CELSR1: variants seen among roughly 807,000 people sequenced by gnomAD.
CELSR1 encodes the protein cadherin EGF LAG seven-pass G-type receptor 1, also known as adhesion G protein-coupled receptor C1.
In CELSR1, 110 loss-of-function variants were observed where a neutral mutation model predicts 249.1. The ratio of observed to expected loss-of-function variants is 0.44; its 90% CI spans 0.38 to 0.52. The LOEUF is 0.52. Ranked by LOEUF, CELSR1 falls within the 20% of genes least tolerant of loss-of-function variation. The pLI is 0.00. For synonymous variants in CELSR1, 2,113 were observed against 1,900.0 expected (o/e 1.11, Z -2.92); for missense variants, 4,109 against 4,296.4 (o/e 0.96, Z 1.22).
chr22:46,438,730 G>C (rs1393110124), intron 3 of CELSR1, among the ~76,000 whole-genome samples: 1 of 152,138 alleles, frequency 6.6e-6, no homozygotes, highest in East Asian at 1.9e-4. Flanking sequence ...GTGGGTTAAG[G>C]GGTACAAACA....
chr22:46,367,759 G>C lies in CELSR1; in HGVS notation c.8049C>G (p.His2683Gln), dbSNP rs1481302827. The change falls in exon 28 of 35, where the codon CAC becomes CAG. Residue 2683 changes from histidine to glutamine, a missense_variant. Coordinates refer to ENST00000674500, the MANE Select transcript of CELSR1 (RefSeq NM_001378328.1). The stretch of plus-strand genomic sequence containing the variant: ...AGCCGCTGAAGATGGCGAAGAGGTA[G>C]TGAAAGCTCAGTGCATCGCGGTTCA... ...LAVNRDALSF[H>Q]YLFAIFSGLQ... 1.2e-6 allele frequency: 2 copies of C among 1,607,924 alleles called. No homozygotes were observed. Among genetic ancestry groups the C allele is most frequent in the Non-Finnish European group, 8.5e-7 (1 of 1,178,132 alleles).
rs1011624209 is a variant in CELSR1, at chr22:46,386,848, G to C, written c.6556-263C>G. Among the ~76,000 whole-genome samples, 3 of 152,108 alleles carry C rather than the reference G, an allele frequency of 2.0e-5. No homozygotes were observed. The East Asian group carries it at 5.8e-4, about 29-fold the overall frequency. On this transcript the variant is annotated intron_variant, in intron 18 of 34. Transcript: ENST00000674500. ...GGCTCACTGCAACCTCCGCCTCCTGGGTTCAAGGAATTCTCTTGCTTCAAC... is the reference window on the plus strand; with the variant it reads ...GGCTCACTGCAACCTCCGCCTCCTGCGTTCAAGGAATTCTCTTGCTTCAAC...
In CELSR1 at chr22:46,464,939, G is replaced by A. The variant is rs1039899562; in HGVS notation, c.3545-594C>T. ...CCCACTTAGCTCGGCTGTACCCCAC[G>A]CAACTCCACATGCCCAGCACACAGG... On this transcript the variant is annotated intron_variant, in intron 1 of 34. Coordinates refer to ENST00000674500, the MANE Select transcript of CELSR1 (RefSeq NM_001378328.1). The surrounding 1 kb of genome is among the most constrained non-coding windows in gnomAD (Gnocchi z 8.5). Among the ~76,000 whole-genome samples the A allele has an allele frequency of 2.6e-5, 4 of 152,126 alleles. No individual in the cohort carries two copies. The highest frequency in any genetic ancestry group is 4.8e-5 in the African/African-American group (2 of 41,412).
At chr22:46,449,985 C>T (rs2079865176) in intron 2 of CELSR1, among the ~76,000 whole-genome samples, 1 of 152,248 alleles carries the variant, frequency 6.6e-6, no homozygotes, top group African/African-American at 2.4e-5. Context: ...CACATGCATG[C>T]CCACAGGCAC....
intron 1 of CELSR1, among the ~76,000 whole-genome samples, chr22:46,514,798 G>A (rs1319607515): frequency 6.6e-6 from 1 of 152,146 alleles, no homozygotes; most frequent in Non-Finnish European, 1.5e-5. Context: ...TCCCAAGTCA[G>A]CAAGCACAAG....
chr22:46,535,520 C>T lies in CELSR1; in HGVS notation c.1651G>A (p.Val551Met), dbSNP rs1402908859. The T allele has an allele frequency of 6.2e-7, 1 of 1,613,082 alleles. No individual in the cohort carries two copies. Residue 551 changes from valine to methionine, a missense_variant, in exon 1 of 35, where the codon GTG (valine) becomes ATG (methionine). This residue lies in a region of CELSR1 where 135 missense variants were observed against 190.0 expected (regional missense o/e 0.71). Transcript: ENST00000674500. ...RPPLINSSGV[V>M]SVQVLDVNDN... ...TTGACATCCAGCACCTGCACAGACA[C>T]CACCCCTGAAGAATTGATGAGCGGG...
At position 46,447,558 on chromosome 22, in the gene CELSR1, G is replaced by A. The variant is rs990720180; in HGVS notation, c.4184-8147C>T. Among the ~76,000 whole-genome samples, 5 of 152,140 alleles carry A rather than the reference G, an allele frequency of 3.3e-5. No individual in the cohort carries two copies. The highest frequency in any genetic ancestry group is 5.9e-5 in the Non-Finnish European group (4 of 68,022). ...CAAACCTATTGCTGTGCTCACTCAC[G>A]CATGCAGCCTGCCAAAAGCTCCCCC... On this transcript the variant is annotated intron_variant, in intron 2 of 34. Coordinates refer to ENST00000674500, the MANE Select transcript of CELSR1 (RefSeq NM_001378328.1). This position sits in a 1 kb window ranked among gnomAD's most constrained non-coding sequence, Gnocchi z 4.7.
chr22:46,458,959 C>T (rs987443630), intron 2 of CELSR1, among the ~76,000 whole-genome samples: 1 of 152,148 alleles, frequency 6.6e-6, no homozygotes, highest in Non-Finnish European at 1.5e-5. Context: ...CTGGCATGAT[C>T]TCGGGTCACT....
Position 46,391,912 on chromosome 22 carries a change from GGT to G in CELSR1, c.5965-98_5965-97del, listed in dbSNP as rs1214731627. The G allele has an allele frequency of 3.0e-6, 4 of 1,336,976 alleles. No homozygotes were observed. The East Asian group carries it at 7.5e-5, about 25-fold the overall frequency. The allele number at this position is 1,336,976 out of a possible 1,614,324, so 82.8% of individuals were successfully genotyped here. On this transcript the variant is annotated intron_variant, in intron 14 of 34. Transcript: ENST00000674500. This position sits in a 1 kb window ranked among gnomAD's most constrained non-coding sequence, Gnocchi z 4.3. ...CGAGCGACGTCCAGACTCCCACCCG[GGT>G]GTGTGTGTTGGCCGCCAGCCATCCC...
At position 46,384,702 on chromosome 22, in the gene CELSR1, C is replaced by G. The variant is rs751511031; in HGVS notation, c.6740-16G>C. The G allele has an allele frequency of 1.4e-5, 23 of 1,607,314 alleles. No individual in the cohort carries two copies. The highest frequency in any genetic ancestry group is 1.7e-4 in the Middle Eastern group (1 of 6,022). ...ACAGCAAGAACTGGGGGGACAGTTC[C>G]TTTAATCAGACATAACTCCCAGGGC... is the stretch of plus-strand genomic sequence containing the variant. On this transcript the variant is annotated splice_polypyrimidine_tract_variant and intron_variant, in intron 19 of 34. Coordinates refer to ENST00000674500, the MANE Select transcript of CELSR1 (RefSeq NM_001378328.1).
At chr22:46,524,541 CGTGTGTGTGTGT>C (rs71192413) in intron 1 of CELSR1, among the ~76,000 whole-genome samples, 2 of 77,828 alleles carry the variant, frequency 2.6e-5, no homozygotes, top group African/African-American at 6.2e-5. Context: ...CCGTTGTGTG[CGTGTGTGTGTGT>C]GTGTGTGTGT....
intron 33 of CELSR1, 55 bp from the exon 34 acceptor site, chr22:46,364,306 T>C: frequency 6.3e-7 from 1 of 1,585,060 alleles, no homozygotes; most frequent in South Asian, 1.1e-5. Context: ...CGGGGGCAGC[T>C]GCTGGGCCGT....
chr22:46,492,223 G>T (rs2080374345), intron 1 of CELSR1, among the ~76,000 whole-genome samples: 1 of 152,204 alleles, frequency 6.6e-6, no homozygotes, highest in Non-Finnish European at 1.5e-5. Context: ...CCAGACAGAA[G>T]ATCTCCACGT....
intron 1 of CELSR1, among the ~76,000 whole-genome samples, chr22:46,521,689 C>T (rs112284767): frequency 3.3e-5 from 5 of 151,596 alleles, no homozygotes; most frequent in Admixed American, 6.6e-5. Context: ...TGGTGGCACA[C>T]GCCTATAATC....
At chr22:46,523,811 G>A (rs1240646800) in intron 1 of CELSR1, among the ~76,000 whole-genome samples, 1 of 152,014 alleles carries the variant, frequency 6.6e-6, no homozygotes. Context: ...TGCACCTGGT[G>A]CCCACCAGTC....
At chr22:46,482,537 T>C (rs1392904946) in intron 1 of CELSR1, among the ~76,000 whole-genome samples, 2 of 152,038 alleles carry the variant, frequency 1.3e-5, no homozygotes, top group Non-Finnish European at 2.9e-5. Context: ...AGAGGTTAAG[T>C]GACTTGCCCA....
chr22:46,482,623 G>A (rs114149653), intron 1 of CELSR1, among the ~76,000 whole-genome samples: 4,007 of 152,138 alleles, frequency 0.026, 146 homozygotes, highest in African/African-American at 0.089. Flanking sequence ...GCTGAGGCAC[G>A]AGACTCACTT....
intron 24 of CELSR1, among the ~76,000 whole-genome samples, chr22:46,373,667 AG>A (rs1291420056): frequency 3.3e-4 from 17 of 50,918 alleles, no homozygotes; most frequent in African/African-American, 1.3e-3. Context: ...ATGGGGGAGA[AG>A]GGGGAGATGG....
rs2079574206 is a variant in CELSR1, at chr22:46,429,823, C to T, written c.4611+3570G>A. On this transcript the variant is annotated intron_variant, in intron 5 of 34. Coordinates refer to ENST00000674500, the MANE Select transcript of CELSR1 (RefSeq NM_001378328.1). The surrounding 1 kb of genome is among the most constrained non-coding windows in gnomAD (Gnocchi z 4.1). ...CCCCTTCTTTCTGGGCTCCAATCTGCCCTTTCCCTTGATGCTCTAGGACTA... is the reference window on the plus strand; with the variant it reads ...CCCCTTCTTTCTGGGCTCCAATCTGTCCTTTCCCTTGATGCTCTAGGACTA... 2.0e-5 allele frequency among the ~76,000 whole-genome samples: 3 copies of T among 152,250 alleles called. No homozygotes were observed. Among genetic ancestry groups the T allele is most frequent in the Admixed American group, 2.0e-4 (3 of 15,288 alleles).
Sources: allele counts gnomAD v4.1 joint callset (sites outside exome capture counted in the v4.1 genomes callset), GRCh38; gene constraint gnomAD v4.1.1; regional missense constraint gnomAD v4.1.1; non-coding constraint Gnocchi (gnomAD v3.1); transcripts MANE v1.5; gene names NCBI Gene and HGNC (gene_info 2026-07-23, HGNC 2026-07-21).